INTS8: variants seen among roughly 807,000 people sequenced by gnomAD.
The protein encoded by INTS8 is integrator complex subunit 8.
In INTS8, 47 loss-of-function variants were observed where a neutral mutation model predicts 138.9. The ratio of observed to expected loss-of-function variants is 0.34; its 90% CI spans 0.27 to 0.43. The LOEUF is 0.43. INTS8 is among the 20% of genes least tolerant of loss of function. The probability of loss-of-function intolerance (pLI) is 1.00; values close to 1 mark genes in which losing one functional copy is unlikely to be tolerated. For synonymous variants in INTS8, 392 were observed against 400.9 expected (o/e 0.98, Z 0.27); for missense variants, 996 against 1,173.0 (o/e 0.85, Z 2.20).
chr8:94,830,317 G>A (rs943799162), intron 5 of INTS8, among the ~76,000 whole-genome samples: 10 of 152,172 alleles, frequency 6.6e-5, no homozygotes, highest in Non-Finnish European at 1.2e-4. Flanking sequence ...TGAGGTGTAG[G>A]GGCTGGGTGA....
rs141654232 is a variant in INTS8, at chr8:94,846,493, C to A, written c.1261-2969C>A. ...TTCTCCATGTTGGTCAGGCAGGTCT[C>A]GAACTCCTGACCTCAGGCGATCCAC... is the stretch of plus-strand genomic sequence containing the variant. On this transcript the variant is annotated intron_variant, in intron 10 of 26. Coordinates refer to ENST00000523731, the MANE Select transcript of INTS8 (RefSeq NM_017864.4). Among the ~76,000 whole-genome samples, 246 of 152,226 alleles carry A rather than the reference C, an allele frequency of 1.6e-3. 3 individuals are homozygous for A. Among genetic ancestry groups the A allele is most frequent in the Admixed American group, 0.015 (223 of 15,286 alleles).
chr8:94,832,382 A>C (rs1389738415), intron 6 of INTS8, among the ~76,000 whole-genome samples: 1 of 152,210 alleles, frequency 6.6e-6, no homozygotes, highest in East Asian at 1.9e-4. Context: ...GTTGTCTCTG[A>C]AATAGTTTCC....
chr8:94,837,114 C>A (rs1380451875), intron 7 of INTS8, among the ~76,000 whole-genome samples: 1 of 152,168 alleles, frequency 6.6e-6, no homozygotes, highest in East Asian at 1.9e-4. Flanking sequence ...ATTTATCAAA[C>A]CACATTACTT....
rs535832599 is a variant in INTS8 at position 94,875,315 on chromosome 8, G to A, written c.2688+713G>A. On this transcript the variant is annotated intron_variant, in intron 23 of 26. Transcript: ENST00000523731. ...ATAGAAAGGAATGAGTTACTGTTACGTGGTACAGCATGGCTGAACCTTGAA... is the reference window on the plus strand; with the variant it reads ...ATAGAAAGGAATGAGTTACTGTTACATGGTACAGCATGGCTGAACCTTGAA... Among the ~76,000 whole-genome samples the A allele has an allele frequency of 1.3e-3, 196 of 152,272 alleles. 1 individual carries two copies. In the Middle Eastern group the frequency reaches 0.031, roughly 24 times the overall value.
intron 21 of INTS8, 38 bp from the exon 22 acceptor site, chr8:94,873,336 G>A: frequency 7.1e-7 from 1 of 1,406,622 alleles, no homozygotes. Flanking sequence ...TTTTTCAACT[G>A]TTACCTCTAA....
At position 94,872,016 on chromosome 8, in the gene INTS8, T is replaced by C. The variant is rs746133682; in HGVS notation, c.2533+14T>C. The C allele has an allele frequency of 4.0e-6, 5 of 1,249,530 alleles. No individual in the cohort carries two copies. The South Asian group carries it at 5.0e-5, about 12-fold the overall frequency. 77.4% of individuals were successfully genotyped at this position (1,249,530 alleles called of 1,614,324 possible). A position where few individuals can be genotyped will look rare whatever the true frequency, so the allele number is the denominator to read the frequency against. Reference sequence around the variant, plus strand: ...ATATTTACTTTGGTAAGTGAGATGTTTAGTTGCTTTGTGTTTTGTTTTTAT... The same window carrying C: ...ATATTTACTTTGGTAAGTGAGATGTCTAGTTGCTTTGTGTTTTGTTTTTAT... On this transcript the variant is annotated intron_variant, in intron 21 of 26. Coordinates refer to ENST00000523731, the MANE Select transcript of INTS8 (RefSeq NM_017864.4).
chr8:94,855,588 T>C (rs1175140332), intron 14 of INTS8, among the ~76,000 whole-genome samples: 1 of 152,262 alleles, frequency 6.6e-6, no homozygotes, highest in Non-Finnish European at 1.5e-5. Context: ...AAATTTCATA[T>C]ACATTTATTG....
chr8:94,823,296 G>A lies in INTS8; in HGVS notation c.-136G>A. 1 of 1,523,900 alleles carries A rather than the reference G, an allele frequency of 6.6e-7. No individual in the cohort carries two copies. The highest frequency in any genetic ancestry group is 8.8e-7 in the Non-Finnish European group (1 of 1,139,382). The allele number at this position is 1,523,900 out of a possible 1,614,324, so 94.4% of individuals were successfully genotyped here. A position where few individuals can be genotyped will look rare whatever the true frequency, so the allele number is the denominator to read the frequency against. ...CCGGCTGGCCCGCGCCGCCATTTTG[G>A]ATTGTGTGAGTTTCCGGGACGTTCG... On this transcript the variant is annotated 5_prime_UTR_variant, in exon 1 of 27. Transcript: ENST00000523731.
At chr8:94,846,821 T>C (rs185880873) in intron 10 of INTS8, among the ~76,000 whole-genome samples, 29 of 152,306 alleles carry the variant, frequency 1.9e-4, no homozygotes, top group Middle Eastern at 6.8e-3. Flanking sequence ...TAGATTGTAT[T>C]AAATGCTTTT....
intron 13 of INTS8, among the ~76,000 whole-genome samples, chr8:94,853,443 GAA>G (rs1815626054): frequency 6.6e-6 from 1 of 152,174 alleles, no homozygotes; most frequent in Non-Finnish European, 1.5e-5. Context: ...GTATAATCTT[GAA>G]CAAGTTATTT....
intron 3 of INTS8, 111 bp from the exon 4 acceptor site, chr8:94,827,611 T>C: frequency 9.4e-7 from 1 of 1,058,744 alleles, no homozygotes; most frequent in Non-Finnish European, 1.4e-6. Flanking sequence ...GGATTTACCA[T>C]GTGTCAATTA....
chr8:94,876,581 A>G, intron 26 of INTS8, 92 bp downstream of exon 26: 1 of 728,098 alleles, frequency 1.4e-6, no homozygotes, highest in Admixed American at 2.9e-5. Flanking sequence ...GATTTTGTGT[A>G]CCTAGTTACT....
intron 15 of INTS8, among the ~76,000 whole-genome samples, chr8:94,857,329 C>T (rs533153387): frequency 6.6e-6 from 1 of 152,180 alleles, no homozygotes; most frequent in South Asian, 2.1e-4. Flanking sequence ...TCCTCGCCCT[C>T]CCAAAGTGCT....
chr8:94,832,249 A>G, intron 6 of INTS8, 75 bp downstream of exon 6: 1 of 1,038,512 alleles, frequency 9.6e-7, no homozygotes, highest in Non-Finnish European at 1.4e-6. Flanking sequence ...TCCTATTTTT[A>G]ATTAGAATTT....
Position 94,874,545 on chromosome 8 carries a change from T to C in INTS8, c.2638-7T>C. 1 of 1,539,536 alleles carries C rather than the reference T, an allele frequency of 6.5e-7. No homozygotes were observed. The highest frequency in any genetic ancestry group is 9.0e-7 in the Non-Finnish European group (1 of 1,113,682). On this transcript the variant is annotated splice_polypyrimidine_tract_variant and splice_region_variant and intron_variant, in intron 22 of 26. Transcript: ENST00000523731. ...TTTTGAAAATAATGAGAATTTTGCT[T>C]TTGTAGGTAATAAAACGAATGATAA...
At chr8:94,828,601 TTTG>T (rs1321680436) in intron 4 of INTS8, among the ~76,000 whole-genome samples, 1 of 152,116 alleles carries the variant, frequency 6.6e-6, no homozygotes, top group Admixed American at 6.6e-5. Flanking sequence ...CAAATGAGCT[TTTG>T]TTGTAAGTTT....
At chr8:94,839,641 G>A (rs775074006) in intron 8 of INTS8, among the ~76,000 whole-genome samples, 5 of 152,104 alleles carry the variant, frequency 3.3e-5, no homozygotes, top group Non-Finnish European at 5.9e-5. Context: ...TTTAATTACC[G>A]ACACAGGTGA....
At chr8:94,854,709 C>T (rs1815680897) in intron 14 of INTS8, among the ~76,000 whole-genome samples, 1 of 152,088 alleles carries the variant, frequency 6.6e-6, no homozygotes, top group African/African-American at 2.4e-5. Context: ...AACTACATCC[C>T]CACACCAGCA....
At chr8:94,830,042 C>T (rs1210374485) in intron 5 of INTS8, among the ~76,000 whole-genome samples, 1 of 152,100 alleles carries the variant, frequency 6.6e-6, no homozygotes, top group Non-Finnish European at 1.5e-5. Context: ...ATTACAGGCA[C>T]TTGCCACCAT....
Sources: allele counts gnomAD v4.1 joint callset (sites outside exome capture counted in the v4.1 genomes callset), GRCh38; gene constraint gnomAD v4.1.1; transcripts MANE v1.5; gene names NCBI Gene and HGNC (gene_info 2026-07-23, HGNC 2026-07-21).